Variants in NCKAP5 observed in about 807,000 individuals in gnomAD.
NCKAP5 encodes NCK associated protein 5, also known as nck-associated protein 5.
Under a neutral mutation model 167.0 loss-of-function variants are expected in NCKAP5, and 92 were observed. That is an observed-to-expected ratio of 0.55 (90% confidence interval 0.47 to 0.66). The LOEUF (loss-of-function observed/expected upper bound fraction) is 0.66. Ranked by LOEUF, NCKAP5 falls within the 30% of genes least tolerant of loss-of-function variation. The pLI is 0.00. For synonymous variants in NCKAP5, 891 were observed against 877.4 expected (o/e 1.02, Z -0.27); for missense variants, 2,378 against 2,315.0 (o/e 1.03, Z -0.56).
intron 3 of NCKAP5, among the ~76,000 whole-genome samples, chr2:133,414,350 A>G (rs1688970146): frequency 6.6e-6 from 1 of 152,172 alleles, no homozygotes; most frequent in Non-Finnish European, 1.5e-5. Context: ...TGAGGTTAAA[A>G]CATTTTCCAC....
intron 8 of NCKAP5, among the ~76,000 whole-genome samples, chr2:132,922,011 T>C (rs924199442): frequency 2.0e-5 from 3 of 152,152 alleles, no homozygotes; most frequent in Admixed American, 6.5e-5. Flanking sequence ...TTGGCCATTA[T>C]TTTGCTACCC....
chr2:133,088,459 T>A (rs946661385), intron 6 of NCKAP5, among the ~76,000 whole-genome samples: 2 of 152,168 alleles, frequency 1.3e-5, no homozygotes, highest in Non-Finnish European at 2.9e-5. Context: ...AAGCTGTTCC[T>A]GTCTGAACAA....
At chr2:132,717,318 ACTTTAAACAATAGATTTCTCT>A (rs1442977289) in intron 19 of NCKAP5, among the ~76,000 whole-genome samples, 1 of 152,226 alleles carries the variant, frequency 6.6e-6, no homozygotes, top group African/African-American at 2.4e-5. Context: ...TGTAGTGTCC[ACTTTAAACAATAGATTTCTCT>A]GGGGCAACTT....
intron 5 of NCKAP5, among the ~76,000 whole-genome samples, chr2:133,130,971 T>G (rs1471432643): frequency 6.6e-6 from 1 of 152,200 alleles, no homozygotes; most frequent in Non-Finnish European, 1.5e-5. Flanking sequence ...ACATGCAATG[T>G]CTGATCATGA....
chr2:133,616,290 A>T, the NCKAP5 span, among the ~76,000 whole-genome samples: 1 of 149,240 alleles, frequency 6.7e-6, no homozygotes, highest in Non-Finnish European at 1.5e-5. Flanking sequence ...AAGGCAAGAA[A>T]TAACTAAAAT....
chr2:133,567,847 GTT>G (rs1012548363), intron 1 of NCKAP5, among the ~76,000 whole-genome samples: 1 of 152,172 alleles, frequency 6.6e-6, no homozygotes, highest in Non-Finnish European at 1.5e-5. Flanking sequence ...AGCCTTCATA[GTT>G]GTCTGCTAAA....
chr2:133,509,602 T>G (rs929622179), intron 3 of NCKAP5, among the ~76,000 whole-genome samples: 1 of 152,178 alleles, frequency 6.6e-6, no homozygotes. Context: ...GAATACAATG[T>G]GAATATGACA....
At chr2:133,504,042 C>G (rs1356077577) in intron 3 of NCKAP5, among the ~76,000 whole-genome samples, 1 of 152,030 alleles carries the variant, frequency 6.6e-6, no homozygotes, top group Non-Finnish European at 1.5e-5. Context: ...ACAATACCCT[C>G]TGTGATCTGT....
At chr2:133,124,851 C>G (rs2082352104) in intron 6 of NCKAP5, among the ~76,000 whole-genome samples, 1 of 152,134 alleles carries the variant, frequency 6.6e-6, no homozygotes, top group South Asian at 2.1e-4. Flanking sequence ...AGTTTGAGAC[C>G]AGCCTGGGCA....
At chr2:133,548,985 T>C (rs1214828956) in intron 2 of NCKAP5, among the ~76,000 whole-genome samples, 1 of 151,558 alleles carries the variant, frequency 6.6e-6, no homozygotes, top group African/African-American at 2.4e-5. Flanking sequence ...AGGAAACCCA[T>C]CTCACATGCA....
At chr2:133,515,297 G>A (rs190233089) in intron 3 of NCKAP5, among the ~76,000 whole-genome samples, 18 of 152,236 alleles carry the variant, frequency 1.2e-4, no homozygotes, top group South Asian at 4.2e-4. Flanking sequence ...TACTATAACC[G>A]GGGGCAAAAT....
At chr2:132,808,962 T>A (rs1236367898) in intron 11 of NCKAP5, among the ~76,000 whole-genome samples, 1 of 152,106 alleles carries the variant, frequency 6.6e-6, no homozygotes, top group Non-Finnish European at 1.5e-5. Context: ...TTTTGATAGA[T>A]TGTGTCATTA....
intron 2 of NCKAP5, among the ~76,000 whole-genome samples, chr2:133,540,797 G>C (rs546748875): frequency 6.6e-6 from 1 of 151,714 alleles, no homozygotes; most frequent in Non-Finnish European, 1.5e-5. Context: ...TTAGCCAGGC[G>C]TGGTGGCATG....
chr2:132,863,448 TAAAAAAAAAAA>T (rs58404202), intron 10 of NCKAP5, among the ~76,000 whole-genome samples: 1 of 127,788 alleles, frequency 7.8e-6, no homozygotes. Context: ...TTCAGATGGG[TAAAAAAAAAAA>T]AAAAAGAAAA....
At chr2:132,811,980 C>T (rs1262658540) in intron 11 of NCKAP5, among the ~76,000 whole-genome samples, 1 of 152,192 alleles carries the variant, frequency 6.6e-6, no homozygotes, top group Non-Finnish European at 1.5e-5. Flanking sequence ...TTTCACTCAG[C>T]TCTCTAAATT....
chr2:132,673,193 T>C lies in NCKAP5; in HGVS notation c.*96A>G. The C allele has an allele frequency of 7.0e-7, 1 of 1,423,850 alleles. No individual in the cohort carries two copies. Among genetic ancestry groups the C allele is most frequent in the South Asian group, 1.6e-5 (1 of 62,796 alleles). The allele number at this position is 1,423,850 out of a possible 1,614,324, so 88.2% of individuals were successfully genotyped here. A position where few individuals can be genotyped will look rare whatever the true frequency, so the allele number is the denominator to read the frequency against. ...TTCAACCTTGTTCAGAGAGTTCTTC[T>C]CTTTTTCTAATAAAATCACAGTATT... On this transcript the variant is annotated 3_prime_UTR_variant, in exon 20 of 20. Transcript: ENST00000409261.
the NCKAP5 span, among the ~76,000 whole-genome samples, chr2:133,660,815 C>A: frequency 6.6e-6 from 1 of 152,024 alleles, no homozygotes; most frequent in Admixed American, 6.6e-5. Context: ...ATCTAGTTTG[C>A]GGATTTAACA....
At chr2:133,432,284 G>C (rs1482824892) in intron 3 of NCKAP5, among the ~76,000 whole-genome samples, 1 of 152,166 alleles carries the variant, frequency 6.6e-6, no homozygotes, top group African/African-American at 2.4e-5. Flanking sequence ...TTAATAATCT[G>C]TTTCCAGCAC....
At chr2:132,978,993 C>T (rs1282489606) in intron 7 of NCKAP5, among the ~76,000 whole-genome samples, 1 of 151,436 alleles carries the variant, frequency 6.6e-6, no homozygotes, top group South Asian at 2.1e-4. Context: ...AGAAACTCAG[C>T]TCTACACGTA....
Sources: gnomAD v4.1 joint callset for allele counts (sites outside exome capture counted in the v4.1 genomes callset) on GRCh38, gnomAD v4.1.1 for gene constraint, MANE v1.5 for transcripts, NCBI Gene and HGNC (gene_info 2026-07-23, HGNC 2026-07-21) for gene names.